The following RNF111 variants were observed in gnomAD, a reference collection of about 807,000 sequenced individuals.
RNF111 encodes the protein ring finger protein 111.
RNF111 carries 17 observed loss-of-function variants against 95.1 expected under a neutral mutation model. The ratio of observed to expected loss-of-function variants is 0.18; its 90% confidence interval spans 0.12 to 0.27. The LOEUF (loss-of-function observed/expected upper bound fraction) is 0.27. Ranked by LOEUF, RNF111 falls within the 10% of genes least tolerant of loss-of-function variation. RNF111 has a pLI of 1.00. For synonymous variants in RNF111, 440 were observed against 414.8 expected (o/e 1.06, Z -0.74); for missense variants, 1,189 against 1,210.4 (o/e 0.98, Z 0.26).
chr15:59,028,153 C>G (rs552279600), intron 1 of RNF111, among the ~76,000 whole-genome samples: 2 of 152,168 alleles, frequency 1.3e-5, no homozygotes, highest in African/African-American at 2.4e-5. Flanking sequence ...ATAGTTGAAT[C>G]CTCCGATGAT....
chr15:59,026,845 G>A (rs1278409550), intron 1 of RNF111, among the ~76,000 whole-genome samples: 1 of 152,100 alleles, frequency 6.6e-6, no homozygotes, highest in Admixed American at 6.6e-5. Context: ...TTTAATGACT[G>A]CATGATATGT....
chr15:59,048,509 G>A (rs2041819907), intron 2 of RNF111, among the ~76,000 whole-genome samples: 2 of 152,262 alleles, frequency 1.3e-5, no homozygotes, highest in South Asian at 2.1e-4. Context: ...TATTGGAAAT[G>A]TTCTTAAACT....
rs77180945 is a variant in RNF111 at position 59,027,298 on chromosome 15, A to T, written c.-19-3506A>T. Among the ~76,000 whole-genome samples, 191 of 152,270 alleles carry T rather than the reference A, an allele frequency of 1.3e-3. 3 individuals are homozygous for T. Among genetic ancestry groups the T allele is most frequent in the African/African-American group, 4.5e-3 (188 of 41,542 alleles). ...TCTGGAAGAACCCCAGCTGTTTCCA[A>T]CATACATCATGAGACTTCTGTTGCT... On this transcript the variant is annotated intron_variant, in intron 1 of 13. Coordinates refer to ENST00000348370, the MANE Select transcript of RNF111 (RefSeq NM_017610.8).
At chr15:59,039,254 A>G (rs1457784485) in intron 2 of RNF111, among the ~76,000 whole-genome samples, 1 of 151,304 alleles carries the variant, frequency 6.6e-6, no homozygotes, top group African/African-American at 2.4e-5. Flanking sequence ...GTGAGCCACC[A>G]CTCCCGGCCT....
At chr15:59,093,337 CTTTTTTTTTTTTT>C (rs1236130195) in intron 13 of RNF111, 6 of 272,888 alleles carry the variant, frequency 2.2e-5, no homozygotes, top group Middle Eastern at 2.7e-3. Flanking sequence ...TTTACAGCAT[CTTTTTTTTTTTTT>C]TTTTTTTTTT....
At chr15:59,094,712 T>C (rs2079146502) in intron 13 of RNF111, 71 bp from the exon 14 acceptor site, 1 of 839,026 alleles carries the variant, frequency 1.2e-6, no homozygotes, top group Non-Finnish European at 2.1e-6. Flanking sequence ...AATTATTACA[T>C]ATATAATTTG....
chr15:58,999,119 T>C (rs1445247380), intron 1 of RNF111, among the ~76,000 whole-genome samples: 2 of 152,204 alleles, frequency 1.3e-5, no homozygotes, highest in African/African-American at 4.8e-5. Context: ...TACTCCCTTT[T>C]TCAACTACAT....
chr15:59,034,916 A>G (rs1208878854), intron 2 of RNF111, among the ~76,000 whole-genome samples: 1 of 152,202 alleles, frequency 6.6e-6, no homozygotes, highest in African/African-American at 2.4e-5. Flanking sequence ...ATGTGCTTGT[A>G]TTAATCCATT....
intron 5 of RNF111, among the ~76,000 whole-genome samples, chr15:59,061,611 G>A (rs1014810858): frequency 5.3e-5 from 8 of 152,246 alleles, no homozygotes; most frequent in Admixed American, 2.6e-4. Flanking sequence ...CTCTCTACCT[G>A]TCCTCCTCTA....
At chr15:59,048,197 G>A (rs1427044559) in intron 2 of RNF111, among the ~76,000 whole-genome samples, 2 of 152,130 alleles carry the variant, frequency 1.3e-5, no homozygotes, top group African/African-American at 4.8e-5. Context: ...CAAAAACTGA[G>A]CAAAACCCAA....
chr15:59,000,590 A>G (rs1368172621), intron 1 of RNF111, among the ~76,000 whole-genome samples: 1 of 151,826 alleles, frequency 6.6e-6, no homozygotes, highest in Non-Finnish European at 1.5e-5. Context: ...GGCGCCTATA[A>G]TCCTAGCTAT....
At chr15:59,021,525 A>G (rs1427693606) in intron 1 of RNF111, among the ~76,000 whole-genome samples, 2 of 152,168 alleles carry the variant, frequency 1.3e-5, no homozygotes, top group African/African-American at 2.4e-5. Flanking sequence ...AGTCTTATGT[A>G]TGTACCTGCT....
At position 59,033,207 on chromosome 15, in the gene RNF111, G is replaced by A. The variant is rs142592485; in HGVS notation, c.880+1505G>A. Reference sequence around the variant, plus strand: ...TTTACCTTATGTCTTGCCTGTTAAGGTCAGGGCCTGCTAGTCTACTTTTGG... The same window carrying A: ...TTTACCTTATGTCTTGCCTGTTAAGATCAGGGCCTGCTAGTCTACTTTTGG... On this transcript the variant is annotated intron_variant, in intron 2 of 13. Coordinates refer to ENST00000348370, the MANE Select transcript of RNF111 (RefSeq NM_017610.8). Among the ~76,000 whole-genome samples, 103 of 152,260 alleles carry A rather than the reference G, an allele frequency of 6.8e-4. 1 individual carries two copies. In the Middle Eastern group the frequency reaches 0.041, roughly 60 times the overall value.
At chr15:59,035,396 T>A (rs2041128561) in intron 2 of RNF111, among the ~76,000 whole-genome samples, 1 of 152,216 alleles carries the variant, frequency 6.6e-6, no homozygotes, top group Non-Finnish European at 1.5e-5. Context: ...AAGTCTCATC[T>A]GAGACAAGGC....
chr15:59,049,563 G>C (rs1487626251), intron 2 of RNF111: 3 of 165,308 alleles, frequency 1.8e-5, no homozygotes, highest in African/African-American at 7.3e-5. Context: ...ATGTGTTTTG[G>C]GAAGCCATCT....
At chr15:59,087,830 A>G (rs551189836) in intron 10 of RNF111, among the ~76,000 whole-genome samples, 1 of 152,304 alleles carries the variant, frequency 6.6e-6, no homozygotes, top group South Asian at 2.1e-4. Flanking sequence ...TATGGTCAGT[A>G]TGGTGTCATC....
At chr15:59,031,734 A>G (rs542270642) in intron 2 of RNF111, 32 bp downstream of exon 2, 7 of 1,585,950 alleles carry the variant, frequency 4.4e-6, no homozygotes, top group Non-Finnish European at 6.0e-6. Flanking sequence ...AAAACATGGA[A>G]CCTATTGCAT....
intron 12 of RNF111, among the ~76,000 whole-genome samples, chr15:59,091,776 G>C (rs1345916015): frequency 6.6e-6 from 1 of 152,156 alleles, no homozygotes; most frequent in Non-Finnish European, 1.5e-5. Context: ...TTCATGGATA[G>C]GTGGCAGAGG....
At position 59,039,914 on chromosome 15, in the gene RNF111, A is replaced by C. The variant is rs542679657; in HGVS notation, c.880+8212A>C. Reference sequence around the variant, plus strand: ...TGTGTTTTAGTAGAGACGGGGTTTCACCGTGTTGGCCAGCATGGTCTCGAT... The same window carrying C: ...TGTGTTTTAGTAGAGACGGGGTTTCCCCGTGTTGGCCAGCATGGTCTCGAT... On this transcript the variant is annotated intron_variant, in intron 2 of 13. Coordinates refer to ENST00000348370, the MANE Select transcript of RNF111 (RefSeq NM_017610.8). Among the ~76,000 whole-genome samples the C allele has an allele frequency of 9.2e-5, 14 of 151,956 alleles. No individual in the cohort carries two copies. In the East Asian group the frequency reaches 2.5e-3, roughly 27 times the overall value.
Sources: allele counts gnomAD v4.1 joint callset (sites outside exome capture counted in the v4.1 genomes callset), GRCh38; gene constraint gnomAD v4.1.1; transcripts MANE v1.5; gene names NCBI Gene and HGNC (gene_info 2026-07-23, HGNC 2026-07-21).